Variants in TRMT9B observed in about 807,000 individuals in gnomAD.
TRMT9B encodes the protein probable tRNA methyltransferase 9B.
Under a neutral mutation model 11.5 loss-of-function variants are expected in TRMT9B, and 16 were observed. That is an observed-to-expected ratio of 1.39 (90% CI 0.94 to 2.11). TRMT9B has a LOEUF of 2.11. Among genes scored for constraint, TRMT9B ranks in the 30% most tolerant of loss-of-function variants. The pLI, the probability that TRMT9B is intolerant of heterozygous loss-of-function variation, is 0.00. For synonymous variants in TRMT9B, 274 were observed against 192.4 expected (o/e 1.42, Z -3.51); for missense variants, 941 against 553.8 (o/e 1.70, Z -7.02).
intron 1 of TRMT9B, among the ~76,000 whole-genome samples, chr8:12,955,450 G>C (rs1481167485): frequency 1.3e-5 from 2 of 151,626 alleles, no homozygotes; most frequent in East Asian, 3.9e-4. Flanking sequence ...TTTCTCTCTA[G>C]GGGTCCCGAT....
chr8:13,012,413 T>A, intron 3 of TRMT9B: 1 of 460,154 alleles, frequency 2.2e-6, no homozygotes, highest in Non-Finnish European at 3.0e-6. Flanking sequence ...CCGTCTCTAC[T>A]AAAAATACAA....
intron 1 of TRMT9B, among the ~76,000 whole-genome samples, chr8:12,983,627 G>A (rs1318748734): frequency 1.3e-5 from 2 of 152,166 alleles, no homozygotes; most frequent in African/African-American, 2.4e-5. Context: ...CCAAGATGGT[G>A]TCACTGCACT....
chr8:12,963,432 C>T (rs775902881), intron 1 of TRMT9B, among the ~76,000 whole-genome samples: 4 of 151,804 alleles, frequency 2.6e-5, no homozygotes, highest in Non-Finnish European at 5.9e-5. Context: ...GACTTTGTCA[C>T]AAAAACAAAA....
At chr8:12,969,713 G>T (rs1354177219) in intron 1 of TRMT9B, among the ~76,000 whole-genome samples, 1 of 151,630 alleles carries the variant, frequency 6.6e-6, no homozygotes, top group African/African-American at 2.4e-5. Context: ...ACCGCAGGCT[G>T]GAGTGTAGAG....
At chr8:12,996,250 A>C (rs892191277) in intron 2 of TRMT9B, among the ~76,000 whole-genome samples, 5 of 152,200 alleles carry the variant, frequency 3.3e-5, no homozygotes, top group Admixed American at 6.5e-5. Context: ...TCAATGTGTA[A>C]TAAGATCACA....
intron 1 of TRMT9B, among the ~76,000 whole-genome samples, chr8:12,955,975 G>A (rs1408017068): frequency 6.6e-6 from 1 of 152,106 alleles, no homozygotes; most frequent in African/African-American, 2.4e-5. Flanking sequence ...TGATCAGAGA[G>A]GCTGCTGCAA....
At chr8:13,020,020 G>C (rs117381710) in intron 4 of TRMT9B, among the ~76,000 whole-genome samples, 61 of 152,264 alleles carry the variant, frequency 4.0e-4, no homozygotes, top group Non-Finnish European at 6.2e-4. Flanking sequence ...AGTTTGATCT[G>C]TACACAACCC....
rs1017371791 is a variant in TRMT9B at position 13,024,397 on chromosome 8, T to G, written c.*2353T>G. On this transcript the variant is annotated 3_prime_UTR_variant, in exon 5 of 5. Coordinates refer to ENST00000524591, the MANE Select transcript of TRMT9B (RefSeq NM_020844.3). ...TAAACCATGACTGCAAGGGATTTCC[T>G]TGGTAAAAAGAAAAGATTCTCAGAG... 1.8e-5 allele frequency: 3 copies of G among 167,124 alleles called. No homozygotes were observed. Among genetic ancestry groups the G allele is most frequent in the African/African-American group, 7.2e-5 (3 of 41,462 alleles). 10.4% of individuals were successfully genotyped at this position (167,124 alleles called of 1,614,324 possible). A position where few individuals can be genotyped will look rare whatever the true frequency, so the allele number is the denominator to read the frequency against.
chr8:12,981,910 G>T (rs186606664), intron 1 of TRMT9B, among the ~76,000 whole-genome samples: 39 of 152,200 alleles, frequency 2.6e-4, no homozygotes, highest in African/African-American at 8.9e-4. Context: ...AGTGAAATGA[G>T]AAAATTAAAC....
chr8:12,974,771 C>A (rs1398172791), intron 1 of TRMT9B, among the ~76,000 whole-genome samples: 1 of 152,116 alleles, frequency 6.6e-6, no homozygotes, highest in Admixed American at 6.5e-5. Flanking sequence ...CAGCAGCAGG[C>A]AGGGTTTTGT....
chr8:12,986,838 A>C (rs1342742072), intron 1 of TRMT9B, among the ~76,000 whole-genome samples: 5 of 152,134 alleles, frequency 3.3e-5, no homozygotes, highest in Non-Finnish European at 7.4e-5. Context: ...AATCCTTTCT[A>C]AGCATTATTA....
chr8:12,983,997 T>A (rs912956141), intron 1 of TRMT9B, among the ~76,000 whole-genome samples: 1 of 152,176 alleles, frequency 6.6e-6, no homozygotes, highest in Non-Finnish European at 1.5e-5. Context: ...TGATTGCTTA[T>A]CAGAAGCATA....
Position 13,021,320 on chromosome 8 carries a change from G to C in TRMT9B, c.641G>C (p.Ser214Thr). The C allele has an allele frequency of 8.7e-6, 14 of 1,614,060 alleles. No individual in the cohort carries two copies. Among genetic ancestry groups the C allele is most frequent in the Non-Finnish European group, 1.2e-5 (14 of 1,179,908 alleles). Reference sequence around the variant, plus strand: ...CAGTGTGGTTCAAAACGGTCCCACAGCGTGGGCTATGAACCTGCTATGGCA... The same window carrying C: ...CAGTGTGGTTCAAAACGGTCCCACACCGTGGGCTATGAACCTGCTATGGCA... ...KEQCGSKRSH[S>T]VGYEPAMART... is the part of the protein sequence containing the mutation. Residue 214 changes from serine (S) to threonine (T), a missense_variant, in exon 5 of 5, where the codon AGC becomes ACC. Physicochemically the swap from Ser to Thr is moderately conservative, Grantham distance 58. Coordinates refer to ENST00000524591, the MANE Select transcript of TRMT9B (RefSeq NM_020844.3).
chr8:13,019,528 A>C (rs574275350), intron 4 of TRMT9B, among the ~76,000 whole-genome samples: 12 of 152,294 alleles, frequency 7.9e-5, no homozygotes, highest in African/African-American at 2.6e-4. Context: ...TCCTGGCCTC[A>C]AGAGTTCCGC....
At chr8:12,955,779 G>C (rs28759098) in intron 1 of TRMT9B, among the ~76,000 whole-genome samples, 2,546 of 152,254 alleles carry the variant, frequency 0.017, 77 homozygotes, top group African/African-American at 0.058. Context: ...CAGGAAGGTT[G>C]GAATGAAGGT....
rs1814816491 is a variant in TRMT9B, at chr8:13,027,398, C to T, written c.*5354C>T. 1.2e-5 allele frequency: 2 copies of T among 167,170 alleles called. No homozygotes were observed. Among genetic ancestry groups the T allele is most frequent in the African/African-American group, 2.4e-5 (1 of 41,568 alleles). 10.4% of individuals were successfully genotyped at this position (167,170 alleles called of 1,614,324 possible). On this transcript the variant is annotated 3_prime_UTR_variant, in exon 5 of 5. Coordinates refer to ENST00000524591, the MANE Select transcript of TRMT9B (RefSeq NM_020844.3). Reference sequence around the variant, plus strand: ...TTTAAGGAGTACCCTAAAGCTTGGACTTAATCTAGCTTACCCTAGACGTAT... The same window carrying T: ...TTTAAGGAGTACCCTAAAGCTTGGATTTAATCTAGCTTACCCTAGACGTAT...
At chr8:12,952,258 GC>G in intron 1 of TRMT9B, 1 of 414,318 alleles carries the variant, frequency 2.4e-6, no homozygotes, top group Non-Finnish European at 5.0e-6. Flanking sequence ...CTTCTGTTGC[GC>G]CCTAGATCCG....
chr8:13,006,763 G>A, intron 3 of TRMT9B: 2 of 675,120 alleles, frequency 3.0e-6, no homozygotes, highest in Non-Finnish European at 4.0e-6. Flanking sequence ...CCGCCTCCCA[G>A]GTTCAACTGA....
rs577716247 is a variant in TRMT9B at position 12,959,706 on chromosome 8, A to G, written c.-200+13740A>G. ...AGCTAACTTTGTTTAGTTTTTGTGT[A>G]TACTAGGTCTCACAAAAAGGCTACT... On this transcript the variant is annotated intron_variant, in intron 1 of 4. Transcript: ENST00000524591. 4.0e-5 allele frequency among the ~76,000 whole-genome samples: 6 copies of G among 151,744 alleles called. 1 individual carries two copies. In the South Asian group the frequency reaches 6.3e-4, roughly 16 times the overall value.
Sources: allele counts gnomAD v4.1 joint callset (sites outside exome capture counted in the v4.1 genomes callset), GRCh38; gene constraint gnomAD v4.1.1; transcripts MANE v1.5; gene names NCBI Gene and HGNC (gene_info 2026-07-23, HGNC 2026-07-21).